Variants in ZBBX observed in about 807,000 individuals in gnomAD.
The protein encoded by ZBBX is zinc finger B-box domain-containing protein 1.
ZBBX carries 101 observed loss-of-function variants against 108.5 expected under a neutral mutation model. The ratio of observed to expected loss-of-function variants is 0.93; its 90% CI spans 0.79 to 1.10. The LOEUF (loss-of-function observed/expected upper bound fraction) is 1.10, where lower values mean the gene tolerates loss of function less well. ZBBX is among the 50% of genes least tolerant of loss of function. The pLI is 0.00. For missense variants in ZBBX, 1,009 were observed against 941.4 expected (o/e 1.07, Z -0.94); for synonymous variants, 356 against 323.4 (o/e 1.10, Z -1.08).
At chr3:167,221,660 G>T in the ZBBX span, among the ~76,000 whole-genome samples, 4 of 151,768 alleles carry the variant, frequency 2.6e-5, no homozygotes, top group Non-Finnish European at 4.4e-5. Flanking sequence ...AGGAAAAATT[G>T]ACAAATGGGA....
intron 19 of ZBBX, among the ~76,000 whole-genome samples, chr3:167,285,940 C>A (rs571282346): frequency 1.3e-5 from 2 of 152,094 alleles, no homozygotes; most frequent in South Asian, 4.2e-4. Context: ...TTCTTTCCAA[C>A]CAAGGGTAAG....
At chr3:167,282,182 C>T (rs141701867) in intron 20 of ZBBX, 56 bp downstream of exon 20, 122 of 1,507,080 alleles carry the variant, frequency 8.1e-5, no homozygotes, top group Non-Finnish European at 9.8e-5. Context: ...ATGAAGAATC[C>T]GGCTGAGGGC....
intron 4 of ZBBX, among the ~76,000 whole-genome samples, chr3:167,369,426 A>C (rs1444267032): frequency 1.3e-5 from 2 of 152,208 alleles, no homozygotes; most frequent in Non-Finnish European, 2.9e-5. Flanking sequence ...AATTACCAAA[A>C]AGCAAGCGGG....
At chr3:167,283,610 A>G (rs1051439368) in intron 19 of ZBBX, among the ~76,000 whole-genome samples, 6 of 152,190 alleles carry the variant, frequency 3.9e-5, no homozygotes, top group African/African-American at 1.4e-4. Flanking sequence ...GTAATCATGT[A>G]TTAAATATTT....
chr3:167,276,705 C>A (rs2108499886), intron 20 of ZBBX, among the ~76,000 whole-genome samples: 1 of 152,278 alleles, frequency 6.6e-6, no homozygotes, highest in Non-Finnish European at 1.5e-5. Flanking sequence ...CCCAACCTAG[C>A]AAGGCAGGCC....
In ZBBX at chr3:167,379,799, A is replaced by G. The variant is rs919254401; in HGVS notation, c.-286-7T>C. The G allele has an allele frequency of 6.6e-6, 1 of 152,216 alleles. No homozygotes were observed. Among genetic ancestry groups the G allele is most frequent in the Non-Finnish European group, 1.5e-5 (1 of 68,070 alleles). 9.4% of individuals were successfully genotyped at this position (152,216 alleles called of 1,614,324 possible). A position where few individuals can be genotyped will look rare whatever the true frequency, so the allele number is the denominator to read the frequency against. ...CGCGCAGGCAGACTAAAGGCTACAA[A>G]AGGGGATGAAATATGGTTTCTCAGG... On this transcript the variant is annotated splice_polypyrimidine_tract_variant and splice_region_variant and intron_variant, in intron 1 of 21. Coordinates refer to ENST00000675490, the MANE Select transcript of ZBBX (RefSeq NM_001199201.2).
the ZBBX span, among the ~76,000 whole-genome samples, chr3:167,193,219 G>T: frequency 6.6e-6 from 1 of 152,132 alleles, no homozygotes; most frequent in Non-Finnish European, 1.5e-5. Context: ...CTTAAACCCA[G>T]ATTTGCCTCA....
chr3:167,352,889 T>C (rs917386503), intron 8 of ZBBX, among the ~76,000 whole-genome samples: 6 of 152,146 alleles, frequency 3.9e-5, no homozygotes, highest in South Asian at 2.1e-4. Context: ...CATATCTCAT[T>C]AGATGCAGAA....
At chr3:167,184,818 G>A in the ZBBX span, among the ~76,000 whole-genome samples, 1 of 152,160 alleles carries the variant, frequency 6.6e-6, no homozygotes. Flanking sequence ...AGGCCAGAAT[G>A]TGCATGCTAC....
the ZBBX span, among the ~76,000 whole-genome samples, chr3:167,192,380 A>G: frequency 6.6e-6 from 1 of 152,128 alleles, no homozygotes; most frequent in African/African-American, 2.4e-5. Flanking sequence ...TGTTTCAGTG[A>G]GACCTTTGCT....
intron 18 of ZBBX, among the ~76,000 whole-genome samples, chr3:167,297,306 T>C (rs1014797981): frequency 6.6e-5 from 10 of 151,940 alleles, no homozygotes; most frequent in African/African-American, 2.4e-4. Context: ...AAAGGTCTTT[T>C]CAACAAATGG....
At chr3:167,342,608 T>C (rs747560246) in intron 9 of ZBBX, among the ~76,000 whole-genome samples, 1 of 151,792 alleles carries the variant, frequency 6.6e-6, no homozygotes, top group African/African-American at 2.4e-5. Context: ...TTGCTAACTT[T>C]AACTTTCTAC....
intron 10 of ZBBX, chr3:167,331,674 A>G (rs1201139610): frequency 2.1e-5 from 20 of 965,438 alleles, no homozygotes; most frequent in Non-Finnish European, 2.2e-5. Context: ...AGAGTCCAAT[A>G]TGACCTTGCC....
the ZBBX span, among the ~76,000 whole-genome samples, chr3:167,234,145 C>T: frequency 6.6e-6 from 1 of 151,758 alleles, no homozygotes; most frequent in Non-Finnish European, 1.5e-5. Flanking sequence ...TTTACGGGAA[C>T]AGAATAGTGA....
intron 19 of ZBBX, 135 bp from the exon 20 acceptor site, chr3:167,282,630 C>T (rs1189738071): frequency 4.3e-6 from 3 of 696,042 alleles, no homozygotes; most frequent in Non-Finnish European, 7.0e-6. Flanking sequence ...TTAACTTTGA[C>T]TATCACCCTT....
chr3:167,384,953 T>C (rs1747861459), upstream of ZBBX, among the ~76,000 whole-genome samples: 1 of 152,052 alleles, frequency 6.6e-6, no homozygotes, highest in South Asian at 2.1e-4. Flanking sequence ...AAATTGTTGG[T>C]GTATATATGG....
At chr3:167,254,752 C>A (rs1723177093) in intron 20 of ZBBX, among the ~76,000 whole-genome samples, 4 of 151,844 alleles carry the variant, frequency 2.6e-5, no homozygotes, top group Admixed American at 2.6e-4. Context: ...AGAGAGAGAA[C>A]CCTGTGTTTA....
chr3:167,260,700 A>C (rs923160791), intron 20 of ZBBX, among the ~76,000 whole-genome samples: 1 of 152,192 alleles, frequency 6.6e-6, no homozygotes, highest in African/African-American at 2.4e-5. Context: ...TCTTTAAGCT[A>C]TCTACCTCCT....
intron 6 of ZBBX, among the ~76,000 whole-genome samples, chr3:167,364,865 A>G (rs925041400): frequency 6.6e-6 from 1 of 151,948 alleles, no homozygotes; most frequent in Non-Finnish European, 1.5e-5. Flanking sequence ...TATACCCCGT[A>G]CTTTTCTAAG....
Sources: gnomAD v4.1 joint callset for allele counts (sites outside exome capture counted in the v4.1 genomes callset) on GRCh38, gnomAD v4.1.1 for gene constraint, MANE v1.5 for transcripts, NCBI Gene and HGNC (gene_info 2026-07-23, HGNC 2026-07-21) for gene names.